Variants in PDXK observed in about 807,000 individuals in gnomAD.
PDXK encodes the protein pyridoxal kinase.
PDXK carries 15 observed loss-of-function variants against 43.2 expected under a neutral mutation model. The ratio of observed to expected loss-of-function variants is 0.35; its 90% CI spans 0.23 to 0.53. PDXK has a LOEUF of 0.53. Among genes scored for constraint, PDXK ranks in the 20% least tolerant of loss-of-function variants. The pLI is 0.92. For synonymous variants in PDXK, 172 were observed against 165.4 expected, an observed-to-expected ratio of 1.04 and a Z score of -0.31; for missense variants, 343 against 417.0, an observed-to-expected ratio of 0.82 and a Z score of 1.54.
intron 6 of PDXK, 31 bp downstream of exon 6, chr21:43,749,111 T>A: frequency 1.4e-6 from 2 of 1,426,702 alleles, no homozygotes; most frequent in East Asian, 4.8e-5. Flanking sequence ...TTACTTTATT[T>A]ATTTATTTTT....
At chr21:43,745,067 C>T (rs1211799595) in intron 4 of PDXK, among the ~76,000 whole-genome samples, 5 of 152,132 alleles carry the variant, frequency 3.3e-5, no homozygotes, top group Admixed American at 2.6e-4. Flanking sequence ...GCCAGTTCAT[C>T]GAGGTAGAAA....
At chr21:43,738,190 C>CACCCAGAGCCCTGA in intron 2 of PDXK, 2 of 271,472 alleles carry the variant, frequency 7.4e-6, no homozygotes, top group Non-Finnish European at 1.1e-5. Context: ...CATCAGGGCT[C>CACCCAGAGCCCTGA]TGGGTGGGCC....
intron 2 of PDXK, among the ~76,000 whole-genome samples, chr21:43,739,952 G>A (rs2083465750): frequency 6.6e-6 from 1 of 151,812 alleles, no homozygotes; most frequent in Admixed American, 6.6e-5. Context: ...CCCTCCACCG[G>A]AGGGGCAGGC....
At position 43,757,054 on chromosome 21, in the gene PDXK, AC is replaced by A. The variant is rs1274764470; in HGVS notation, c.*993del. On this transcript the variant is annotated 3_prime_UTR_variant, in exon 11 of 11. Coordinates refer to ENST00000291565, the MANE Select transcript of PDXK (RefSeq NM_003681.5). ...TCCCCTGACCTCAGTTCTGTGCCCCACCAAATGCCCAGGGGCAAGAGGCCAC... is the reference window on the plus strand; with the variant it reads ...TCCCCTGACCTCAGTTCTGTGCCCCACAAATGCCCAGGGGCAAGAGGCCAC... 6.6e-6 allele frequency: 1 copy of A among 152,322 alleles called. No homozygotes were observed. The highest frequency in any genetic ancestry group is 1.5e-5 in the Non-Finnish European group (1 of 68,112). 9.4% of individuals were successfully genotyped at this position (152,322 alleles called of 1,614,324 possible).
At position 43,732,473 on chromosome 21, in the gene PDXK, C is replaced by T. The variant is rs2083332136; in HGVS notation, c.88-1596C>T. 1 of 1,593,918 alleles carries T rather than the reference C, an allele frequency of 6.3e-7. No homozygotes were observed. The highest frequency in any genetic ancestry group is 8.6e-7 in the Non-Finnish European group (1 of 1,162,660). On this transcript the variant is annotated intron_variant, in intron 1 of 10. Transcript: ENST00000291565. The surrounding 1 kb of genome is among the most constrained non-coding windows in gnomAD (Gnocchi z 4.1). ...TGAAACGGAGATGCCAGCCCAGGGG[C>T]TCAGCTTGCTCGTGCTCTCATTTAA...
chr21:43,740,511 C>T (rs2083479278), intron 2 of PDXK, among the ~76,000 whole-genome samples: 2 of 152,028 alleles, frequency 1.3e-5, no homozygotes, highest in Admixed American at 6.6e-5. Context: ...AGGCGTTTCT[C>T]ATGGGCGAAT....
At chr21:43,755,524 G>A in intron 9 of PDXK, 174 bp from the exon 10 acceptor site, 1 of 634,450 alleles carries the variant, frequency 1.6e-6, no homozygotes, top group Non-Finnish European at 2.8e-6. Flanking sequence ...CTCCGTGGTG[G>A]GCAGTCCGCA....
chr21:43,725,216 G>C (rs2083242002), intron 1 of PDXK, among the ~76,000 whole-genome samples: 1 of 152,044 alleles, frequency 6.6e-6, no homozygotes, highest in South Asian at 2.1e-4. Flanking sequence ...TCAGCTGCTT[G>C]GGAGGCTGAG....
intron 1 of PDXK, chr21:43,728,605 C>G: frequency 1.9e-6 from 1 of 533,848 alleles, no homozygotes; most frequent in Non-Finnish European, 2.4e-6. Context: ...GGCTGTCTGC[C>G]TGTCTGCCTC....
At chr21:43,721,334 AT>A (rs1196805852) in intron 1 of PDXK, among the ~76,000 whole-genome samples, 3 of 152,250 alleles carry the variant, frequency 2.0e-5, no homozygotes, top group Non-Finnish European at 4.4e-5. Context: ...CTTGATTTTG[AT>A]CATCACATGT....
In PDXK at chr21:43,732,738, A is replaced by ATT; in HGVS notation, c.88-1326_88-1325dup. 1.5e-6 allele frequency: 1 copy of ATT among 686,362 alleles called. No individual in the cohort carries two copies. Among genetic ancestry groups the ATT allele is most frequent in the South Asian group, 1.7e-5 (1 of 59,496 alleles). The allele number at this position is 686,362 out of a possible 1,614,324, so 42.5% of individuals were successfully genotyped here. On this transcript the variant is annotated intron_variant, in intron 1 of 10. Transcript: ENST00000291565. The surrounding 1 kb of genome is among the most constrained non-coding windows in gnomAD (Gnocchi z 4.1). ...GGTACATTTGCAAAGTGCCCATTTT[A>ATT]TTTTTTATTTTTATTTTTATGTTTT...
chr21:43,756,701 C>T lies in PDXK; in HGVS notation c.*638C>T, dbSNP rs998856679. The T allele has an allele frequency of 6.6e-6, 1 of 152,318 alleles. No homozygotes were observed. Among genetic ancestry groups the T allele is most frequent in the Non-Finnish European group, 1.5e-5 (1 of 68,180 alleles). The allele number at this position is 152,318 out of a possible 1,614,324, so 9.4% of individuals were successfully genotyped here. ...CACACGGTGCAGCATCAGGGACCTTCCCAGGCCCCAGCAAATTCAAGTCGG... is the reference window on the plus strand; with the variant it reads ...CACACGGTGCAGCATCAGGGACCTTTCCAGGCCCCAGCAAATTCAAGTCGG... On this transcript the variant is annotated 3_prime_UTR_variant, in exon 11 of 11. Coordinates refer to ENST00000291565, the MANE Select transcript of PDXK (RefSeq NM_003681.5).
In PDXK at chr21:43,752,100, CATGT is replaced by C. The variant is rs767843286; in HGVS notation, c.511-417_511-414del. 2.3e-3 allele frequency among the ~76,000 whole-genome samples: 305 copies of C among 133,936 alleles called. 2 individuals carry two copies. Among genetic ancestry groups the C allele is most frequent in the African/African-American group, 7.7e-3 (271 of 35,122 alleles). The allele number at this position is 133,936 out of a possible 152,430, so 87.9% of individuals were successfully genotyped here. A position where few individuals can be genotyped will look rare whatever the true frequency, so the allele number is the denominator to read the frequency against. Reference sequence around the variant, plus strand: ...ACACGTGCTGGGTGGCGATGCAGCACATGTGTGTGTGTGTGTGTGTGTGTGTGCG... The same window carrying C: ...ACACGTGCTGGGTGGCGATGCAGCACGTGTGTGTGTGTGTGTGTGTGTGCG... On this transcript the variant is annotated intron_variant, in intron 7 of 10. Coordinates refer to ENST00000291565, the MANE Select transcript of PDXK (RefSeq NM_003681.5).
chr21:43,741,641 GC>G, intron 2 of PDXK, 25 bp from the exon 3 acceptor site: 3 of 1,603,390 alleles, frequency 1.9e-6, no homozygotes, highest in Non-Finnish European at 8.5e-7. Flanking sequence ...TTGTGTCTGA[GC>G]CCCCATGGCT....
In PDXK at chr21:43,719,326, A is replaced by G; in HGVS notation, c.32A>G (p.Gln11Arg). 1.3e-6 allele frequency: 2 copies of G among 1,518,788 alleles called. No homozygotes were observed. The highest frequency in any genetic ancestry group is 1.8e-6 in the Non-Finnish European group (2 of 1,134,728). 94.1% of individuals were successfully genotyped at this position (1,518,788 alleles called of 1,614,324 possible). A position where few individuals can be genotyped will look rare whatever the true frequency, so the allele number is the denominator to read the frequency against. The part of the protein sequence containing the change: MEEECRVLSI[Q>R]SHVIRGYVGN... The stretch of plus-strand genomic sequence containing the variant: ...GAGGAGTGCCGGGTGCTCTCCATAC[A>G]GAGCCACGTCATCCGCGGCTACGTG... Residue 11 changes from glutamine (Q) to arginine (R), a missense_variant, in exon 1 of 11, where the codon CAG becomes CGG. By Grantham distance (43) the Gln-to-Arg change is conservative. Transcript: ENST00000291565.
chr21:43,722,901 G>A (rs2083218576), intron 1 of PDXK, among the ~76,000 whole-genome samples: 3 of 152,128 alleles, frequency 2.0e-5, no homozygotes, highest in African/African-American at 7.2e-5. Flanking sequence ...GCAGTGGCGC[G>A]ATCTCGGCTC....
At chr21:43,727,093 A>G (rs965642437) in intron 1 of PDXK, among the ~76,000 whole-genome samples, 1 of 152,124 alleles carries the variant, frequency 6.6e-6, no homozygotes, top group Non-Finnish European at 1.5e-5. Flanking sequence ...TGTGACTGGC[A>G]TTCCCTGGAA....
At chr21:43,741,830 C>T in intron 3 of PDXK, 59 bp downstream of exon 3, 2 of 1,182,574 alleles carry the variant, frequency 1.7e-6, no homozygotes, top group Non-Finnish European at 2.5e-6. Context: ...CCAGGGTGGG[C>T]TCAGGGAGGT....
In PDXK at chr21:43,761,814, C is replaced by T. The variant is rs1375681741; in HGVS notation, c.*5751C>T. On this transcript the variant is annotated 3_prime_UTR_variant, in exon 11 of 11. Transcript: ENST00000291565. ...TGTCAAGCTCGAGCCGTCATAGGTCCCCATGAGGTGTCTGAAGCCCCTTCT... is the reference window on the plus strand; with the variant it reads ...TGTCAAGCTCGAGCCGTCATAGGTCTCCATGAGGTGTCTGAAGCCCCTTCT... The T allele has an allele frequency of 6.5e-6, 1 of 152,780 alleles. No individual in the cohort carries two copies. Among genetic ancestry groups the T allele is most frequent in the East Asian group, 1.9e-4 (1 of 5,170 alleles). The allele number at this position is 152,780 out of a possible 1,614,324, so 9.5% of individuals were successfully genotyped here.
Sources: gnomAD v4.1 joint callset for allele counts (sites outside exome capture counted in the v4.1 genomes callset) on GRCh38, gnomAD v4.1.1 for gene constraint, Gnocchi (gnomAD v3.1) non-coding constraint, MANE v1.5 for transcripts, NCBI Gene and HGNC (gene_info 2026-07-23, HGNC 2026-07-21) for gene names.